Variants in AXL observed in about 807,000 individuals in gnomAD.
The protein encoded by AXL is tyrosine-protein kinase receptor UFO.
A neutral mutation model predicts 104.5 loss-of-function variants in AXL; 52 were observed. The ratio of observed to expected loss-of-function variants is 0.50; its 90% CI spans 0.40 to 0.63. AXL has a LOEUF of 0.63. AXL is among the 20% of genes least tolerant of loss of function. The pLI is 0.00. For synonymous variants in AXL, 455 were observed against 473.7 expected, an observed-to-expected ratio of 0.96 and a Z score of 0.51; for missense variants, 1,024 against 1,188.5, an observed-to-expected ratio of 0.86 and a Z score of 2.04.
intron 12 of AXL, 181 bp downstream of exon 12, chr19:41,243,888 T>C: frequency 3.4e-6 from 2 of 588,664 alleles, no homozygotes; most frequent in East Asian, 2.9e-5. Context: ...TTTCAAGGAA[T>C]AGAATCTTAG....
chr19:41,242,440 C>T lies in AXL; in HGVS notation c.1313-443C>T, dbSNP rs561579851. Among the ~76,000 whole-genome samples the T allele has an allele frequency of 8.6e-5, 13 of 151,060 alleles. No individual in the cohort carries two copies. The East Asian group carries it at 2.5e-3, about 30-fold the overall frequency. ...CCAGGTTCAAGCAATTCTCCTGCCT[C>T]AGCTCCCGAGTAGCTGGGATTGCAG... On this transcript the variant is annotated intron_variant, in intron 10 of 19. Transcript: ENST00000301178.
chr19:41,248,821 G>C lies in AXL; in HGVS notation c.1711+1G>C, dbSNP rs1433410969. On this transcript the variant is annotated splice_donor_variant, in intron 14 of 19. Coordinates refer to ENST00000301178, the MANE Select transcript of AXL (RefSeq NM_021913.5). LOFTEE classifies it high-confidence loss of function. ...AAGGTGGCTGTGAAGACGATGAAGA[G>C]TGAGTTACGTGCACATGTGTAGGAC... is the stretch of plus-strand genomic sequence containing the variant. The C allele has an allele frequency of 6.2e-7, 1 of 1,607,994 alleles. No individual in the cohort carries two copies. The highest frequency in any genetic ancestry group is 8.5e-7 in the Non-Finnish European group (1 of 1,176,592).
intron 6 of AXL, among the ~76,000 whole-genome samples, chr19:41,236,768 C>T (rs1292653560): frequency 6.9e-6 from 1 of 144,376 alleles, no homozygotes; most frequent in Non-Finnish European, 1.5e-5. Context: ...CAGAGCAAGA[C>T]TCCCTCTCCA....
At chr19:41,242,178 T>C (rs1478658673) in intron 10 of AXL, among the ~76,000 whole-genome samples, 1 of 152,100 alleles carries the variant, frequency 6.6e-6, no homozygotes, top group Non-Finnish European at 1.5e-5. Context: ...TCCACTCTTC[T>C]GTTTTTTTGG....
Position 41,259,969 on chromosome 19 carries a change from C to A in AXL, c.*65C>A. On this transcript the variant is annotated 3_prime_UTR_variant, in exon 20 of 20. Transcript: ENST00000301178. ...TAAGCACTGCCACTGGGGAAAACTC[C>A]ACCTTCCCACTTTCCCACCCCACGC... 7.1e-7 allele frequency: 1 copy of A among 1,401,242 alleles called. No individual in the cohort carries two copies. The highest frequency in any genetic ancestry group is 9.6e-7 in the Non-Finnish European group (1 of 1,042,840). The allele number at this position is 1,401,242 out of a possible 1,614,324, so 86.8% of individuals were successfully genotyped here. A position where few individuals can be genotyped will look rare whatever the true frequency, so the allele number is the denominator to read the frequency against.
chr19:41,227,918 G>A (rs539617644), intron 4 of AXL, among the ~76,000 whole-genome samples: 169 of 152,244 alleles, frequency 1.1e-3, no homozygotes, highest in Non-Finnish European at 1.7e-3. Context: ...GCTGGACAAA[G>A]GGGGGATTCA....
rs762099465 is a variant in AXL at position 41,253,728 on chromosome 19, C to A, written c.2036+20C>A. 2.0e-5 allele frequency: 9 copies of A among 452,012 alleles called. No individual in the cohort carries two copies. The highest frequency in any genetic ancestry group is 1.6e-4 in the African/African-American group (4 of 25,254). The allele number at this position is 452,012 out of a possible 1,614,324, so 28.0% of individuals were successfully genotyped here. ...CTGCATGTGAGTGCCTTTCAGGGAC[C>A]CCCCCCCCCCAACTGCTCCTGCACT... is the stretch of plus-strand genomic sequence containing the variant. On this transcript the variant is annotated intron_variant, in intron 17 of 19. Coordinates refer to ENST00000301178, the MANE Select transcript of AXL (RefSeq NM_021913.5).
rs1477032020 is a variant in AXL, at chr19:41,219,283, G to A, written c.-110G>A. 2.1e-5 allele frequency: 22 copies of A among 1,066,698 alleles called. No homozygotes were observed. The highest frequency in any genetic ancestry group is 3.2e-5 in the African/African-American group (2 of 62,074). 66.1% of individuals were successfully genotyped at this position (1,066,698 alleles called of 1,614,324 possible). On this transcript the variant is annotated 5_prime_UTR_variant, in exon 1 of 20. Transcript: ENST00000301178. ...GCCTCCCCTGCCGCTGTGCCAGGCA[G>A]GCAGTGCCAAATCCGGGGAGCCTGG...
Position 41,256,541 on chromosome 19 carries a change from C to T in AXL, c.2126C>T (p.Ala709Val). 6.2e-7 allele frequency: 1 copy of T among 1,614,208 alleles called. No homozygotes were observed. The highest frequency in any genetic ancestry group is 8.5e-7 in the Non-Finnish European group (1 of 1,180,042). Residue 709 changes from alanine (A) to valine (V), a missense_variant, in exon 18 of 20, where the codon GCC becomes GTC. Physicochemically the swap from Ala to Val is moderately conservative, Grantham distance 64. Transcript: ENST00000301178. ...GACTACTACCGCCAGGGACGTATCG[C>T]CAAGATGCCAGTCAAGTGGATTGCC... ...NGDYYRQGRIAKMPVKWIAIE... is the reference protein window; with the variant it reads ...NGDYYRQGRIVKMPVKWIAIE...
intron 12 of AXL, 188 bp downstream of exon 12, chr19:41,243,895 T>G (rs1478293866): frequency 3.5e-6 from 2 of 567,864 alleles, no homozygotes; most frequent in Admixed American, 6.1e-5. Context: ...GAATAGAATC[T>G]TAGACACAGT....
chr19:41,234,174 G>A (rs2034041383), intron 6 of AXL, among the ~76,000 whole-genome samples: 1 of 152,054 alleles, frequency 6.6e-6, no homozygotes, highest in Non-Finnish European at 1.5e-5. Flanking sequence ...GTGTGACTTT[G>A]GGCAAGTTGC....
chr19:41,253,745 T>C (rs1162126682), intron 17 of AXL, 37 bp downstream of exon 17: 41 of 1,475,642 alleles, frequency 2.8e-5, no homozygotes, highest in Non-Finnish European at 3.1e-5. Flanking sequence ...CCCCAACTGC[T>C]CCTGCACTCC....
At chr19:41,221,072 T>C in intron 2 of AXL, 74 bp from the exon 3 acceptor site, 1 of 1,406,126 alleles carries the variant, frequency 7.1e-7, no homozygotes, top group Non-Finnish European at 9.9e-7. Flanking sequence ...ACACCCTCTT[T>C]CCGTTCTGAC....
At chr19:41,222,247 C>T (rs1403733566) in intron 4 of AXL, among the ~76,000 whole-genome samples, 191 bp downstream of exon 4, 1 of 152,038 alleles carries the variant, frequency 6.6e-6, no homozygotes, top group African/African-American at 2.4e-5. Context: ...TCTCCGTATG[C>T]CTTTTTCTGT....
intron 1 of AXL, 175 bp from the exon 2 acceptor site, chr19:41,220,461 C>A (rs1181117878): frequency 3.3e-6 from 2 of 604,142 alleles, no homozygotes; most frequent in Admixed American, 3.0e-5. Context: ...GGAGGGCTCC[C>A]GTCCTCCTCT....
At position 41,219,292 on chromosome 19, in the gene AXL, A is replaced by G; in HGVS notation, c.-101A>G. On this transcript the variant is annotated 5_prime_UTR_variant, in exon 1 of 20. Coordinates refer to ENST00000301178, the MANE Select transcript of AXL (RefSeq NM_021913.5). ...GCCGCTGTGCCAGGCAGGCAGTGCC[A>G]AATCCGGGGAGCCTGGAGCTGGGGG... 1 of 1,222,842 alleles carries G rather than the reference A, an allele frequency of 8.2e-7. No individual in the cohort carries two copies. Among genetic ancestry groups the G allele is most frequent in the Middle Eastern group, 2.8e-4 (1 of 3,514 alleles). 75.7% of individuals were successfully genotyped at this position (1,222,842 alleles called of 1,614,324 possible).
chr19:41,250,398 A>G (rs1191427678), intron 14 of AXL, among the ~76,000 whole-genome samples: 3 of 152,110 alleles, frequency 2.0e-5, no homozygotes, highest in Non-Finnish European at 4.4e-5. Flanking sequence ...TCATTCGTTC[A>G]TTATGGAGCA....
chr19:41,243,602 C>T lies in AXL; in HGVS notation c.1446-14C>T. ...GGTTTTTCCCTGCCCTCACCTACTC[C>T]CCCTCCCCCCCAGAGAAGTGTTTGA... is the stretch of plus-strand genomic sequence containing the variant. On this transcript the variant is annotated splice_polypyrimidine_tract_variant and intron_variant, in intron 11 of 19. Transcript: ENST00000301178. 6.2e-7 allele frequency: 1 copy of T among 1,609,330 alleles called. No homozygotes were observed. The highest frequency in any genetic ancestry group is 8.5e-7 in the Non-Finnish European group (1 of 1,175,690).
In AXL at chr19:41,228,351, G is replaced by A. The variant is rs181720771; in HGVS notation, c.587-2616G>A. 1.4e-3 allele frequency among the ~76,000 whole-genome samples: 208 copies of A among 152,162 alleles called. 3 individuals are homozygous for A. Among genetic ancestry groups the A allele is most frequent in the African/African-American group, 4.9e-3 (204 of 41,488 alleles). On this transcript the variant is annotated intron_variant, in intron 4 of 19. Transcript: ENST00000301178. ...GCAGATCACTTGAGGTCAGGAGTTC[G>A]AGACCAGCCTGGCCAACATGGTGAA...
Sources: allele counts gnomAD v4.1 joint callset (sites outside exome capture counted in the v4.1 genomes callset), GRCh38; gene constraint gnomAD v4.1.1; transcripts MANE v1.5; gene names NCBI Gene and HGNC (gene_info 2026-07-23, HGNC 2026-07-21).